Variants in TNFSF13B observed in about 807,000 individuals in gnomAD.
The protein encoded by TNFSF13B is TNF superfamily member 13b.
In TNFSF13B, 8 loss-of-function variants were observed where a neutral mutation model predicts 29.1. The ratio of observed to expected loss-of-function variants is 0.27; its 90% CI spans 0.16 to 0.50. TNFSF13B has a LOEUF of 0.50. Ranked by LOEUF, TNFSF13B falls within the 20% of genes least tolerant of loss-of-function variation. The probability of loss-of-function intolerance (pLI) is 0.98; values close to 1 mark genes in which losing one functional copy is unlikely to be tolerated. For synonymous variants in TNFSF13B, 125 were observed against 130.8 expected (o/e 0.96, Z 0.30); for missense variants, 248 against 334.9 (o/e 0.74, Z 2.03).
At chr13:108,287,052 T>C (rs775360505) in intron 3 of TNFSF13B, among the ~76,000 whole-genome samples, 193 bp downstream of exon 3, 27 of 137,096 alleles carry the variant, frequency 2.0e-4, no homozygotes, top group Admixed American at 1.6e-3. Flanking sequence ...TTCTCACTCA[T>C]AGGTGGGAAC....
chr13:108,272,426 G>T (rs780763816), intron 2 of TNFSF13B, among the ~76,000 whole-genome samples: 34 of 151,914 alleles, frequency 2.2e-4, no homozygotes, highest in Non-Finnish European at 4.4e-5. Flanking sequence ...AAATACATTT[G>T]TTCATGTTTT....
intron 2 of TNFSF13B, among the ~76,000 whole-genome samples, chr13:108,284,924 T>C (rs1881079825): frequency 6.6e-6 from 1 of 152,232 alleles, no homozygotes; most frequent in Non-Finnish European, 1.5e-5. Flanking sequence ...GGCTTTGTTA[T>C]TCCTTTCTTT....
At chr13:108,285,331 G>A (rs2139053123) in intron 2 of TNFSF13B, among the ~76,000 whole-genome samples, 1 of 152,182 alleles carries the variant, frequency 6.6e-6, no homozygotes, top group African/African-American at 2.4e-5. Context: ...TTCATGTGTT[G>A]CTTAATAACA....
intron 2 of TNFSF13B, among the ~76,000 whole-genome samples, chr13:108,277,097 A>G (rs1379174149): frequency 1.3e-5 from 2 of 152,178 alleles, no homozygotes; most frequent in African/African-American, 4.8e-5. Context: ...GAAGCTAACA[A>G]TTATCAGGCG....
At chr13:108,284,899 T>G (rs1441382591) in intron 2 of TNFSF13B, among the ~76,000 whole-genome samples, 1 of 152,216 alleles carries the variant, frequency 6.6e-6, no homozygotes, top group Non-Finnish European at 1.5e-5. Context: ...CGCTTGGGGC[T>G]TTAGCTGCCC....
At position 108,307,001 on chromosome 13, in the gene TNFSF13B, T is replaced by C. The variant is rs1464510260; in HGVS notation, c.*63T>C. ...TCTCTGTACCTCTAAGAAGAAAGAA[T>C]CTAACTGAAAATACCAAAAAAAAAA... On this transcript the variant is annotated 3_prime_UTR_variant, in exon 6 of 6. Coordinates refer to ENST00000375887, the MANE Select transcript of TNFSF13B (RefSeq NM_006573.5). 4 of 143,774 alleles carry C rather than the reference T, an allele frequency of 2.8e-5. No homozygotes were observed. In the Admixed American group the frequency reaches 4.1e-4, roughly 15 times the overall value. 8.9% of individuals were successfully genotyped at this position (143,774 alleles called of 1,614,324 possible).
intron 3 of TNFSF13B, among the ~76,000 whole-genome samples, chr13:108,287,971 T>G (rs954423042): frequency 6.6e-6 from 1 of 152,190 alleles, no homozygotes; most frequent in Non-Finnish European, 1.5e-5. Flanking sequence ...GTCGTATAAG[T>G]TTGGAAACAC....
chr13:108,301,280 G>T (rs1881615558), intron 3 of TNFSF13B: 1 of 152,208 alleles, frequency 6.6e-6, no homozygotes, highest in Non-Finnish European at 1.5e-5. Flanking sequence ...ACTCTGCTTA[G>T]CTCCTGAGGT....
At chr13:108,274,013 T>C (rs985168702) in intron 2 of TNFSF13B, among the ~76,000 whole-genome samples, 2 of 152,174 alleles carry the variant, frequency 1.3e-5, no homozygotes, top group Non-Finnish European at 2.9e-5. Flanking sequence ...ACTTAATGAA[T>C]AGTAAATGCA....
intron 3 of TNFSF13B, among the ~76,000 whole-genome samples, chr13:108,288,255 T>C (rs545560175): frequency 4.4e-4 from 67 of 152,308 alleles, no homozygotes; most frequent in African/African-American, 1.6e-3. Flanking sequence ...ATTCATTTAG[T>C]TTACATTTAT....
chr13:108,278,281 G>T (rs1314498167), intron 2 of TNFSF13B, among the ~76,000 whole-genome samples: 1 of 152,104 alleles, frequency 6.6e-6, no homozygotes, highest in Non-Finnish European at 1.5e-5. Flanking sequence ...AGAGAATGTT[G>T]TTAGTGGTAG....
At chr13:108,302,024 G>C (rs1251561600) in intron 3 of TNFSF13B, among the ~76,000 whole-genome samples, 3 of 152,172 alleles carry the variant, frequency 2.0e-5, no homozygotes, top group Non-Finnish European at 4.4e-5. Flanking sequence ...CTTGGCAGTT[G>C]TATTTACAGA....
rs747226662 is a variant in TNFSF13B, at chr13:108,307,342, A to G, written c.*404A>G. ...CAAGTGCCCACATCTCTAGGACATTAAGACATTTATGAGAAATCTCAGGAT... is the reference window on the plus strand; with the variant it reads ...CAAGTGCCCACATCTCTAGGACATTGAGACATTTATGAGAAATCTCAGGAT... On this transcript the variant is annotated 3_prime_UTR_variant, in exon 6 of 6. Coordinates refer to ENST00000375887, the MANE Select transcript of TNFSF13B (RefSeq NM_006573.5). 3 of 153,932 alleles carry G rather than the reference A, an allele frequency of 1.9e-5. No individual in the cohort carries two copies. The highest frequency in any genetic ancestry group is 4.3e-5 in the Non-Finnish European group (3 of 69,284). 9.5% of individuals were successfully genotyped at this position (153,932 alleles called of 1,614,324 possible). A position where few individuals can be genotyped will look rare whatever the true frequency, so the allele number is the denominator to read the frequency against.
At chr13:108,273,277 T>G (rs1202180675) in intron 2 of TNFSF13B, among the ~76,000 whole-genome samples, 1 of 152,162 alleles carries the variant, frequency 6.6e-6, no homozygotes, top group African/African-American at 2.4e-5. Context: ...TCTGTAGATT[T>G]GTGATAATTT....
chr13:108,282,452 T>C (rs979969726), intron 2 of TNFSF13B, among the ~76,000 whole-genome samples: 3 of 152,218 alleles, frequency 2.0e-5, no homozygotes, highest in African/African-American at 4.8e-5. Flanking sequence ...TCTGATTAAA[T>C]GGTATTTAGA....
At chr13:108,294,882 C>T (rs899197094) in intron 3 of TNFSF13B, among the ~76,000 whole-genome samples, 2 of 145,328 alleles carry the variant, frequency 1.4e-5, no homozygotes, top group South Asian at 2.1e-4. Flanking sequence ...TAAAACTCTA[C>T]ACTGGTTATA....
At chr13:108,281,517 C>G (rs1055220587) in intron 2 of TNFSF13B, among the ~76,000 whole-genome samples, 1 of 152,160 alleles carries the variant, frequency 6.6e-6, no homozygotes, top group East Asian at 1.9e-4. Context: ...ACCATCCTCA[C>G]CCTATGTCTT....
At chr13:108,299,044 C>T (rs1262757355) in intron 3 of TNFSF13B, among the ~76,000 whole-genome samples, 1 of 145,984 alleles carries the variant, frequency 6.9e-6, no homozygotes, top group South Asian at 2.1e-4. Flanking sequence ...GAACTGACAT[C>T]TTGACAATAT....
Position 108,306,991 on chromosome 13 carries a change from GA to G in TNFSF13B, c.*55del. On this transcript the variant is annotated 3_prime_UTR_variant, in exon 6 of 6. Transcript: ENST00000375887. ...TTCCTCCCTTTCTCTGTACCTCTAA[GA>G]AGAAAGAATCTAACTGAAAATACCA... 5.1e-6 allele frequency: 1 copy of G among 197,028 alleles called. No individual in the cohort carries two copies. The highest frequency in any genetic ancestry group is 9.9e-6 in the Non-Finnish European group (1 of 101,130). 12.2% of individuals were successfully genotyped at this position (197,028 alleles called of 1,614,324 possible).
Sources: gnomAD v4.1 joint callset for allele counts (sites outside exome capture counted in the v4.1 genomes callset) on GRCh38, gnomAD v4.1.1 for gene constraint, MANE v1.5 for transcripts, NCBI Gene and HGNC (gene_info 2026-07-23, HGNC 2026-07-21) for gene names.